The following TLE1 variants were observed in gnomAD, a reference collection of about 807,000 sequenced individuals.
TLE1 encodes transducin-like enhancer protein 1.
In TLE1, 21 loss-of-function variants were observed where a neutral mutation model predicts 89.8. That is an observed-to-expected ratio of 0.23 (90% confidence interval 0.17 to 0.34). TLE1 has a LOEUF of 0.34. TLE1 is among the 10% of genes least tolerant of loss of function. TLE1 has a pLI of 1.00. For missense variants in TLE1, 795 were observed against 1,031.2 expected (o/e 0.77, Z 3.14); for synonymous variants, 447 against 407.6 (o/e 1.10, Z -1.16).
rs955640894 is a variant in TLE1 at position 81,616,769 on chromosome 9, T to C, written c.712-70A>G. The C allele has an allele frequency of 2.5e-6, 4 of 1,572,574 alleles. No homozygotes were observed. In the African/African-American group the frequency reaches 5.4e-5, roughly 21 times the overall value. On this transcript the variant is annotated intron_variant, in intron 9 of 19. Coordinates refer to ENST00000376499, the MANE Select transcript of TLE1 (RefSeq NM_005077.5). ...AGGTTTGAGGCACAGTTAGATTTCT[T>C]TCTATAGTTCCTGGTAGCAGACAGA...
In TLE1 at chr9:81,584,101, A is replaced by G; in HGVS notation, c.*97T>C. On this transcript the variant is annotated 3_prime_UTR_variant, in exon 20 of 20. Transcript: ENST00000376499. The stretch of plus-strand genomic sequence containing the variant: ...TCAAGGTTTGGAAACAGGTGTTTGT[A>G]ATTTTTTTTCTCTTTTAAAGTTACA... 9.0e-7 allele frequency: 1 copy of G among 1,114,802 alleles called. No individual in the cohort carries two copies. 69.1% of individuals were successfully genotyped at this position (1,114,802 alleles called of 1,614,324 possible). A position where few individuals can be genotyped will look rare whatever the true frequency, so the allele number is the denominator to read the frequency against.
chr9:81,665,693 T>G (rs1172437402), intron 4 of TLE1, among the ~76,000 whole-genome samples: 2 of 152,196 alleles, frequency 1.3e-5, no homozygotes, highest in Non-Finnish European at 2.9e-5. Flanking sequence ...GTTTATGTTC[T>G]TAATGCAGAG....
intron 14 of TLE1, among the ~76,000 whole-genome samples, chr9:81,608,975 A>G (rs776425096): frequency 2.6e-5 from 4 of 151,980 alleles, no homozygotes; most frequent in Non-Finnish European, 4.4e-5. Flanking sequence ...GAAAAAGAAA[A>G]AGAAAAAAAA....
intron 14 of TLE1, among the ~76,000 whole-genome samples, chr9:81,601,280 A>G (rs1830887853): frequency 6.6e-6 from 1 of 152,216 alleles, no homozygotes; most frequent in South Asian, 2.1e-4. Context: ...AAGCCTGGAA[A>G]GGGTCTCTAA....
At chr9:81,662,700 A>C (rs1339838455) in intron 4 of TLE1, among the ~76,000 whole-genome samples, 1 of 149,408 alleles carries the variant, frequency 6.7e-6, no homozygotes, top group East Asian at 2.0e-4. Flanking sequence ...CTCCGTATCA[A>C]AAAAAAAAAA....
intron 17 of TLE1, 125 bp from the exon 18 acceptor site, chr9:81,585,780 G>A: frequency 8.1e-7 from 1 of 1,237,984 alleles, no homozygotes; most frequent in Non-Finnish European, 1.1e-6. Flanking sequence ...CAGACTGTGG[G>A]GAGGTCCACA....
chr9:81,654,251 A>G (rs533919596), intron 4 of TLE1, among the ~76,000 whole-genome samples: 10 of 152,334 alleles, frequency 6.6e-5, no homozygotes, highest in Non-Finnish European at 1.2e-4. Context: ...ACTTCATTGT[A>G]ATAAGAGATG....
chr9:81,653,298 TG>T (rs1829779981), intron 5 of TLE1, among the ~76,000 whole-genome samples: 1 of 152,180 alleles, frequency 6.6e-6, no homozygotes, highest in African/African-American at 2.4e-5. Context: ...ATTCATCCCG[TG>T]CACACTTAGA....
chr9:81,589,888 G>A (rs1029412575), intron 16 of TLE1, among the ~76,000 whole-genome samples: 2 of 152,100 alleles, frequency 1.3e-5, no homozygotes, highest in African/African-American at 4.8e-5. Context: ...CTGCCGCACT[G>A]TCACCCACAC....
chr9:81,678,605 A>C (rs938458978), intron 4 of TLE1, among the ~76,000 whole-genome samples: 2 of 152,088 alleles, frequency 1.3e-5, no homozygotes, highest in Admixed American at 1.3e-4. Context: ...ACTTGAAACC[A>C]CAAGTTCAAT....
At chr9:81,668,776 G>A (rs1018126550) in intron 4 of TLE1, among the ~76,000 whole-genome samples, 3 of 152,128 alleles carry the variant, frequency 2.0e-5, no homozygotes, top group African/African-American at 4.8e-5. Context: ...AAGCCTTACA[G>A]TATTGTCTAA....
chr9:81,607,335 A>AAC (rs1234271612), intron 14 of TLE1, among the ~76,000 whole-genome samples: 1 of 110,652 alleles, frequency 9.0e-6, no homozygotes, highest in African/African-American at 3.6e-5. Flanking sequence ...TGACCCTGTT[A>AAC]ATACACACAC....
intron 13 of TLE1, among the ~76,000 whole-genome samples, chr9:81,611,556 T>C (rs963240763): frequency 3.3e-5 from 5 of 152,206 alleles, no homozygotes; most frequent in Admixed American, 6.5e-5. Flanking sequence ...CAAAAAACGT[T>C]TGGCCCTCAC....
At chr9:81,584,405 A>G (rs1031050252) in intron 19 of TLE1, 43 bp downstream of exon 19, 1 of 1,612,462 alleles carries the variant, frequency 6.2e-7, no homozygotes, top group Non-Finnish European at 8.5e-7. Context: ...CAGAGGCGAC[A>G]CTGTGGTCAA....
rs906933982 is a variant in TLE1 at position 81,585,416 on chromosome 9, TC to T, written c.2128+88del. 2.0e-6 allele frequency: 3 copies of T among 1,507,996 alleles called. No homozygotes were observed. In the African/African-American group the frequency reaches 4.1e-5, roughly 21 times the overall value. 93.4% of individuals were successfully genotyped at this position (1,507,996 alleles called of 1,614,324 possible). ...ATCCAGCTGCTCGGAGAACATTTTTTCCAGATTATGATCTCTACCATATTTT... is the reference window on the plus strand; with the variant it reads ...ATCCAGCTGCTCGGAGAACATTTTTTCAGATTATGATCTCTACCATATTTT... On this transcript the variant is annotated intron_variant, in intron 18 of 19. Transcript: ENST00000376499.
At chr9:81,686,006 T>C (rs1834222950) in intron 2 of TLE1, 110 bp from the exon 3 acceptor site, 2 of 1,144,902 alleles carry the variant, frequency 1.7e-6, no homozygotes, top group Non-Finnish European at 1.3e-6. Flanking sequence ...GGAAAAGCCA[T>C]AAACTATCTA....
rs1234393534 is a variant in TLE1 at position 81,688,583 on chromosome 9, C to G, written c.-343G>C. On this transcript the variant is annotated 5_prime_UTR_variant, in exon 1 of 20. Transcript: ENST00000376499. ...AGCTGCCCGGGCGGGGAGGCGGGGG[C>G]GCGGTGACTCCGACCGCACTCCCCT... 7.3e-6 allele frequency: 2 copies of G among 274,338 alleles called. No homozygotes were observed. Among genetic ancestry groups the G allele is most frequent in the African/African-American group, 2.2e-5 (1 of 45,234 alleles). The allele number at this position is 274,338 out of a possible 1,614,324, so 17.0% of individuals were successfully genotyped here.
intron 16 of TLE1, 38 bp from the exon 17 acceptor site, chr9:81,587,866 C>A (rs1425912870): frequency 6.8e-7 from 1 of 1,473,358 alleles, no homozygotes; most frequent in Non-Finnish European, 9.1e-7. Flanking sequence ...GATTTCCTGC[C>A]AGAGCTCAAG....
intron 9 of TLE1, among the ~76,000 whole-genome samples, chr9:81,619,421 A>C (rs1375148878): frequency 1.3e-5 from 2 of 152,232 alleles, no homozygotes; most frequent in East Asian, 3.8e-4. Flanking sequence ...GGATGTTATA[A>C]GAGTTAAATG....
Sources: gnomAD v4.1 joint callset for allele counts (sites outside exome capture counted in the v4.1 genomes callset) on GRCh38, gnomAD v4.1.1 for gene constraint, MANE v1.5 for transcripts, NCBI Gene and HGNC (gene_info 2026-07-23, HGNC 2026-07-21) for gene names.